The following DLGAP1 variants were observed in gnomAD, a reference collection of about 807,000 sequenced individuals.
The protein encoded by DLGAP1 is DLG associated protein 1.
DLGAP1 carries 11 observed loss-of-function variants against 90.8 expected under a neutral mutation model. The ratio of observed to expected loss-of-function variants is 0.12; its 90% CI spans 0.08 to 0.20. The LOEUF is 0.20. DLGAP1 is among the 10% of genes least tolerant of loss of function. The pLI is 1.00. For missense variants in DLGAP1, 1,050 were observed against 1,333.8 expected (o/e 0.79, Z 3.31); for synonymous variants, 558 against 540.7 (o/e 1.03, Z -0.44).
intron 2 of DLGAP1, chr18:4,013,939 A>G (rs2074474798): frequency 2.6e-5 from 4 of 152,174 alleles, no homozygotes; most frequent in Admixed American, 2.6e-4. Context: ...AATATAAACA[A>G]TATATTTATT....
intron 3 of DLGAP1, among the ~76,000 whole-genome samples, chr18:3,937,097 T>C (rs1274139568): frequency 1.3e-5 from 2 of 152,178 alleles, no homozygotes; most frequent in Non-Finnish European, 2.9e-5. Flanking sequence ...GCTTCTGAAA[T>C]AATGTACGCA....
chr18:4,310,509 C>T (rs1162990690), intron 1 of DLGAP1, among the ~76,000 whole-genome samples: 2 of 152,202 alleles, frequency 1.3e-5, no homozygotes, highest in African/African-American at 2.4e-5. Flanking sequence ...CTGATTTACT[C>T]CTCTCCTCCC....
intron 1 of DLGAP1, among the ~76,000 whole-genome samples, chr18:4,359,294 T>C (rs1169142629): frequency 6.6e-6 from 1 of 152,130 alleles, no homozygotes; most frequent in Non-Finnish European, 1.5e-5. Flanking sequence ...CTAGAAATAA[T>C]TTTCTGATCT....
chr18:3,580,081 TTTGAATTATCCTGCAGC>T (rs2055398608), intron 8 of DLGAP1: 1 of 783,278 alleles, frequency 1.3e-6, no homozygotes, highest in Non-Finnish European at 2.2e-6. Context: ...GTTCATGTTC[TTTGAATTATCCTGCAGC>T]TTGAGTCACA....
At chr18:4,171,289 A>C (rs2077020134) in intron 1 of DLGAP1, among the ~76,000 whole-genome samples, 1 of 152,058 alleles carries the variant, frequency 6.6e-6, no homozygotes, top group African/African-American at 2.4e-5. Flanking sequence ...TAATCCCAGC[A>C]CTTTGGGAGG....
intron 1 of DLGAP1, among the ~76,000 whole-genome samples, chr18:4,372,950 A>C (rs189726183): frequency 6.6e-6 from 1 of 152,212 alleles, no homozygotes; most frequent in East Asian, 1.9e-4. Flanking sequence ...AAAGAAAAAA[A>C]GAAAAGGTAC....
At chr18:3,963,414 G>C (rs1251458601) in intron 3 of DLGAP1, among the ~76,000 whole-genome samples, 1 of 152,132 alleles carries the variant, frequency 6.6e-6, no homozygotes, top group Non-Finnish European at 1.5e-5. Flanking sequence ...ATGTGCATGA[G>C]GATGAGGTGC....
intron 2 of DLGAP1, among the ~76,000 whole-genome samples, chr18:4,027,026 A>G (rs2074711422): frequency 6.6e-6 from 1 of 151,854 alleles, no homozygotes; most frequent in Non-Finnish European, 1.5e-5. Flanking sequence ...GATTACCCTG[A>G]CTCTACTGCA....
At chr18:4,125,941 A>T (rs925262914) in intron 2 of DLGAP1, among the ~76,000 whole-genome samples, 3 of 152,174 alleles carry the variant, frequency 2.0e-5, no homozygotes, top group Non-Finnish European at 4.4e-5. Flanking sequence ...AATCACAGAG[A>T]AACAAAAAAC....
chr18:3,964,750 T>C (rs1421666495), intron 3 of DLGAP1, among the ~76,000 whole-genome samples: 1 of 152,206 alleles, frequency 6.6e-6, no homozygotes, highest in Non-Finnish European at 1.5e-5. Flanking sequence ...ATACCAGGTG[T>C]GCTTTAACCA....
intron 1 of DLGAP1, among the ~76,000 whole-genome samples, chr18:4,435,220 C>T (rs1253639034): frequency 6.6e-6 from 1 of 152,052 alleles, no homozygotes; most frequent in South Asian, 2.1e-4. Flanking sequence ...CAGAGAATCC[C>T]GAGTTGTGGA....
chr18:3,991,518 G>A (rs1010056002), intron 3 of DLGAP1, among the ~76,000 whole-genome samples: 1 of 152,184 alleles, frequency 6.6e-6, no homozygotes, highest in African/African-American at 2.4e-5. Context: ...CAGAGGTGGT[G>A]AGTGGCCAGT....
intron 1 of DLGAP1, among the ~76,000 whole-genome samples, chr18:4,212,030 C>T (rs192153109): frequency 2.0e-5 from 3 of 152,262 alleles, no homozygotes; most frequent in Admixed American, 1.3e-4. Context: ...TATGCATTTA[C>T]CACACTTCAT....
At chr18:3,874,670 A>G (rs2070948418) in intron 4 of DLGAP1, 10 of 1,535,636 alleles carry the variant, frequency 6.5e-6, no homozygotes, top group South Asian at 1.2e-5. Context: ...CCACATCTCA[A>G]CTGAGAATTA....
intron 1 of DLGAP1, among the ~76,000 whole-genome samples, chr18:4,365,710 C>T (rs776538045): frequency 5.3e-5 from 8 of 151,976 alleles, no homozygotes; most frequent in South Asian, 2.1e-4. Context: ...AATTTGAAAA[C>T]GAGAAACTTA....
At chr18:4,380,169 T>A (rs762511628) in intron 1 of DLGAP1, among the ~76,000 whole-genome samples, 10 of 152,162 alleles carry the variant, frequency 6.6e-5, no homozygotes, top group African/African-American at 9.6e-5. Context: ...AGGATTTTAA[T>A]AATGAGGAGT....
intron 4 of DLGAP1, among the ~76,000 whole-genome samples, 196 bp from the exon 5 acceptor site, chr18:3,814,469 C>G (rs772976042): frequency 5.4e-5 from 8 of 147,242 alleles, no homozygotes; most frequent in Non-Finnish European, 1.0e-4. Flanking sequence ...TCATGCCGTT[C>G]TCCTGCCTCA....
chr18:4,195,575 G>C (rs1390837690), intron 1 of DLGAP1, among the ~76,000 whole-genome samples: 2 of 151,860 alleles, frequency 1.3e-5, no homozygotes, highest in Non-Finnish European at 2.9e-5. Flanking sequence ...TTTTGAGATG[G>C]AGTTTCGCTC....
rs777920817 is a variant in DLGAP1 at position 4,372,535 on chromosome 18, G to A, written c.-267+82471C>T. On this transcript the variant is annotated intron_variant, in intron 1 of 12. Transcript: ENST00000315677. Reference sequence around the variant, plus strand: ...CTGACTGGAAGTCCTGGTGTTAGAGGAAGGGGTATAGATTTGTGGACTAAC... The same window carrying A: ...CTGACTGGAAGTCCTGGTGTTAGAGAAAGGGGTATAGATTTGTGGACTAAC... 4.7e-4 allele frequency among the ~76,000 whole-genome samples: 72 copies of A among 152,200 alleles called. 1 individual carries two copies. The highest frequency in any genetic ancestry group is 1.4e-3 in the Admixed American group (21 of 15,286).
Sources: allele counts gnomAD v4.1 joint callset (sites outside exome capture counted in the v4.1 genomes callset), GRCh38; gene constraint gnomAD v4.1.1; transcripts MANE v1.5; gene names NCBI Gene and HGNC (gene_info 2026-07-23, HGNC 2026-07-21).